QTMAN: variants seen among roughly 807,000 people sequenced by gnomAD.
The protein encoded by QTMAN is tRNA-queuosine alpha-mannosyltransferase.
chr2:144,001,286 A>G, the QTMAN span, among the ~76,000 whole-genome samples: 1 of 151,988 alleles, frequency 6.6e-6, no homozygotes, highest in Non-Finnish European at 1.5e-5. Flanking sequence ...AGAAATTGCC[A>G]AAGTTTCTTG....
the QTMAN span, among the ~76,000 whole-genome samples, chr2:144,205,567 C>T: frequency 6.6e-6 from 1 of 152,108 alleles, no homozygotes; most frequent in South Asian, 2.1e-4. Flanking sequence ...CTAAAGAAAA[C>T]TGTGATTCTG....
the QTMAN span, among the ~76,000 whole-genome samples, chr2:144,264,594 A>T: frequency 6.6e-6 from 1 of 152,234 alleles, no homozygotes; most frequent in Non-Finnish European, 1.5e-5. Context: ...CATATCTAAA[A>T]GGAGAATGCA....
chr2:144,248,757 AAAAC>A, the QTMAN span, among the ~76,000 whole-genome samples: 4 of 152,268 alleles, frequency 2.6e-5, no homozygotes, highest in African/African-American at 4.8e-5. Flanking sequence ...TTAAAAAAAA[AAAAC>A]AGAGTATTGA....
the QTMAN span, among the ~76,000 whole-genome samples, chr2:144,227,695 G>A: frequency 2.6e-5 from 4 of 152,036 alleles, no homozygotes; most frequent in African/African-American, 7.2e-5. Flanking sequence ...CCAATAGCAA[G>A]TTACTATATA....
At chr2:143,981,240 C>T in the QTMAN span, among the ~76,000 whole-genome samples, 307 of 152,188 alleles carry the variant, frequency 2.0e-3, no homozygotes, top group Admixed American at 2.9e-3. Context: ...ATTCAAAATA[C>T]GGCTTTAGAA....
the QTMAN span, among the ~76,000 whole-genome samples, chr2:144,170,088 A>G: frequency 6.6e-6 from 1 of 152,108 alleles, no homozygotes; most frequent in Non-Finnish European, 1.5e-5. Context: ...AAGTCTTTAA[A>G]TTTTTACAAA....
the QTMAN span, among the ~76,000 whole-genome samples, chr2:144,140,723 T>C: frequency 0.044 from 6,738 of 152,076 alleles, 499 homozygotes; most frequent in African/African-American, 0.15. Context: ...TAAGTAGAAA[T>C]TGAAATCAGA....
the QTMAN span, among the ~76,000 whole-genome samples, chr2:144,231,244 T>C: frequency 6.6e-6 from 1 of 152,142 alleles, no homozygotes; most frequent in Non-Finnish European, 1.5e-5. Flanking sequence ...GTTATTACAT[T>C]ACCAATATTT....
At chr2:144,116,859 G>A in the QTMAN span, among the ~76,000 whole-genome samples, 1 of 152,170 alleles carries the variant, frequency 6.6e-6, no homozygotes, top group Admixed American at 6.5e-5. Context: ...CAGAACAAGA[G>A]CTCAGGTCTT....
the QTMAN span, among the ~76,000 whole-genome samples, chr2:144,293,750 TAAAC>T: frequency 6.6e-6 from 1 of 152,200 alleles, no homozygotes; most frequent in Non-Finnish European, 1.5e-5. Context: ...TATATATACA[TAAAC>T]AGATTTAAGC....
the QTMAN span, among the ~76,000 whole-genome samples, chr2:144,019,435 GGTGT>G: frequency 0.017 from 2,025 of 117,244 alleles, 32 homozygotes; most frequent in African/African-American, 0.04. Context: ...TAAGCATGCA[GGTGT>G]GTGTGTGTGT....
chr2:144,217,057 C>T, the QTMAN span, among the ~76,000 whole-genome samples: 2 of 152,112 alleles, frequency 1.3e-5, no homozygotes, highest in African/African-American at 4.8e-5. Context: ...TCAAAGATGG[C>T]TTTTCTCCAG....
At chr2:144,174,272 C>T in the QTMAN span, among the ~76,000 whole-genome samples, 1 of 152,086 alleles carries the variant, frequency 6.6e-6, no homozygotes, top group African/African-American at 2.4e-5. Flanking sequence ...ATCAAGAGGT[C>T]TGCCAGACCA....
chr2:143,946,826 G>A, the QTMAN span: 21 of 531,138 alleles, frequency 4.0e-5, no homozygotes, highest in Admixed American at 2.4e-4. Context: ...CCATCATAAC[G>A]TCTCTAGGAA....
At chr2:144,251,149 A>T in the QTMAN span, among the ~76,000 whole-genome samples, 33 of 152,276 alleles carry the variant, frequency 2.2e-4, no homozygotes, top group South Asian at 6.8e-3. Context: ...TCCGCTGCAT[A>T]CAAATTTTGC....
the QTMAN span, among the ~76,000 whole-genome samples, chr2:144,071,194 GTTT>G: frequency 7.2e-6 from 1 of 138,046 alleles, no homozygotes; most frequent in Admixed American, 7.3e-5. Context: ...TACTGCCACT[GTTT>G]TTTTTTTTTT....
chr2:144,219,358 T>C, the QTMAN span, among the ~76,000 whole-genome samples: 1 of 152,138 alleles, frequency 6.6e-6, no homozygotes, highest in Non-Finnish European at 1.5e-5. Context: ...CTCGAACTCC[T>C]GACCTCAGGT....
At chr2:144,195,219 A>AAC in the QTMAN span, among the ~76,000 whole-genome samples, 1 of 152,126 alleles carries the variant, frequency 6.6e-6, no homozygotes, top group African/African-American at 2.4e-5. Context: ...AAGCATTGAT[A>AAC]ATGCAAATTC....
At chr2:143,986,269 G>A in the QTMAN span, among the ~76,000 whole-genome samples, 3 of 152,102 alleles carry the variant, frequency 2.0e-5, no homozygotes, top group East Asian at 1.9e-4. Flanking sequence ...CTCTTACCTC[G>A]TCAGAATTTT....
Sources: gnomAD v4.1 joint callset for allele counts (sites outside exome capture counted in the v4.1 genomes callset) on GRCh38, gnomAD v4.1.1 for gene constraint, MANE v1.5 for transcripts, NCBI Gene and HGNC (gene_info 2026-07-23, HGNC 2026-07-21) for gene names.